Variants in LTBP4 observed in about 807,000 individuals in gnomAD.
LTBP4 encodes the protein latent transforming growth factor beta binding protein 4.
A neutral mutation model predicts 180.2 loss-of-function variants in LTBP4; 93 were observed. The observed-to-expected ratio is 0.52, with a 90% CI of 0.44 to 0.61. The LOEUF is 0.61. Ranked by LOEUF, LTBP4 falls within the 20% of genes least tolerant of loss-of-function variation. LTBP4 has a pLI of 0.00. For synonymous variants in LTBP4, 947 were observed against 934.5 expected (o/e 1.01, Z -0.24); for missense variants, 2,116 against 2,256.5 (o/e 0.94, Z 1.26).
In LTBP4 at chr19:40,627,335, C is replaced by A; in HGVS notation, c.4346C>A (p.Pro1449His). The change falls in exon 28 of 30, where the codon CCT becomes CAT. Residue 1449 changes from proline to histidine, a missense_variant. Pro to His is a moderately conservative substitution (Grantham distance 77). This residue lies in a region of LTBP4 where 488 missense variants were observed against 458.8 expected (regional missense o/e 1.06). Transcript: ENST00000396819. ...RRSFPEPEEP[P>H]EGGSYAGSLA... ...TCCTTCCCAGAGCCCGAGGAGCCTCCTGAAGGTGGAAGCTATGCTGGTGAG... is the reference window on the plus strand; with the variant it reads ...TCCTTCCCAGAGCCCGAGGAGCCTCATGAAGGTGGAAGCTATGCTGGTGAG... The A allele has an allele frequency of 6.6e-7, 1 of 1,515,854 alleles. No homozygotes were observed. The highest frequency in any genetic ancestry group is 8.8e-7 in the Non-Finnish European group (1 of 1,133,956). The allele number at this position is 1,515,854 out of a possible 1,614,324, so 93.9% of individuals were successfully genotyped here.
chr19:40,628,582 G>A (rs1222409494), intron 29 of LTBP4, among the ~76,000 whole-genome samples: 2 of 152,154 alleles, frequency 1.3e-5, no homozygotes, highest in Non-Finnish European at 2.9e-5. Flanking sequence ...GCTGTGTGAC[G>A]CTGGACAGGT....
rs2081493250 is a variant in LTBP4 at position 40,609,989 on chromosome 19, C to G, written c.1684+118C>G. 7.3e-7 allele frequency: 1 copy of G among 1,361,308 alleles called. No individual in the cohort carries two copies. Among genetic ancestry groups the G allele is most frequent in the Admixed American group, 2.9e-5 (1 of 34,656 alleles). The allele number at this position is 1,361,308 out of a possible 1,614,324, so 84.3% of individuals were successfully genotyped here. A position where few individuals can be genotyped will look rare whatever the true frequency, so the allele number is the denominator to read the frequency against. On this transcript the variant is annotated intron_variant, in intron 11 of 29. Coordinates refer to ENST00000396819, the MANE Select transcript of LTBP4 (RefSeq NM_001042545.2). This position sits in a 1 kb window ranked among gnomAD's most constrained non-coding sequence, Gnocchi z 4.9. ...TCTCGGGTCCCGCCCCAGGACTGCT[C>G]TGCCCTGGCCCTTGGCCCTGCCCTT...
chr19:40,629,570 G>A lies in LTBP4; in HGVS notation c.*20G>A, dbSNP rs1051481. The A allele has an allele frequency of 0.18, 245,481 of 1,356,684 alleles. 22,800 individuals are homozygous for A. The highest frequency in any genetic ancestry group is 0.27 in the South Asian group (16,190 of 58,920). The allele number at this position is 1,356,684 out of a possible 1,614,324, so 84.0% of individuals were successfully genotyped here. ...GCCTGAGCCCTGGCACCCGCTGGCC[G>A]CCCACCCGCGCCCGCCACTCGGGGC... On this transcript the variant is annotated 3_prime_UTR_variant, in exon 30 of 30. Coordinates refer to ENST00000396819, the MANE Select transcript of LTBP4 (RefSeq NM_001042545.2). This position sits in a 1 kb window ranked among gnomAD's most constrained non-coding sequence, Gnocchi z 4.5.
intron 12 of LTBP4, 199 bp from the exon 13 acceptor site, chr19:40,610,953 C>A: frequency 1.3e-6 from 1 of 773,134 alleles, no homozygotes; most frequent in Non-Finnish European, 2.0e-6. Context: ...AGAAGGAGGC[C>A]TTCTCATGGG....
intron 22 of LTBP4, among the ~76,000 whole-genome samples, chr19:40,621,068 A>G (rs1220471952): frequency 1.3e-5 from 2 of 151,912 alleles, no homozygotes; most frequent in African/African-American, 4.8e-5. Flanking sequence ...CAGCCTCCTG[A>G]GTAGCTGGGA....
In LTBP4 at chr19:40,610,193, T is replaced by C. The variant is rs531047450; in HGVS notation, c.1684+322T>C. 6.8e-5 allele frequency: 32 copies of C among 467,370 alleles called. No individual in the cohort carries two copies. In the South Asian group the frequency reaches 1.1e-3, roughly 16 times the overall value. 29.0% of individuals were successfully genotyped at this position (467,370 alleles called of 1,614,324 possible). ...AACTCCCTCCCCCAGGCCCCGCCACTGTCCTGCAACTGCGGCAACCAATCT... is the reference window on the plus strand; with the variant it reads ...AACTCCCTCCCCCAGGCCCCGCCACCGTCCTGCAACTGCGGCAACCAATCT... On this transcript the variant is annotated intron_variant, in intron 11 of 29. Transcript: ENST00000396819.
At chr19:40,612,487 C>T (rs914346126) in intron 15 of LTBP4, among the ~76,000 whole-genome samples, 2 of 152,170 alleles carry the variant, frequency 1.3e-5, no homozygotes, top group African/African-American at 4.8e-5. Flanking sequence ...TGACCTATAA[C>T]TCCTGAATTT....
chr19:40,624,825 T>C (rs567408955), intron 26 of LTBP4, among the ~76,000 whole-genome samples: 1 of 152,240 alleles, frequency 6.6e-6, no homozygotes, highest in Non-Finnish European at 1.5e-5. Flanking sequence ...CTCTGTCTCT[T>C]TCCAGCTGTT....
In LTBP4 at chr19:40,622,067, G is replaced by C. The variant is rs1026894343; in HGVS notation, c.3218-334G>C. 3.3e-5 allele frequency among the ~76,000 whole-genome samples: 5 copies of C among 152,154 alleles called. No individual in the cohort carries two copies. The highest frequency in any genetic ancestry group is 3.3e-4 in the Admixed American group (5 of 15,270). On this transcript the variant is annotated intron_variant, in intron 22 of 29. Transcript: ENST00000396819. This position sits in a 1 kb window ranked among gnomAD's most constrained non-coding sequence, Gnocchi z 5.1. ...CCTGGCGACAAATTGTAGGTTTTGA[G>C]ATGAAGACTCAGCCAGTTTGCCACA...
intron 19 of LTBP4, chr19:40,615,204 G>T (rs1028233666): frequency 1.4e-5 from 2 of 147,554 alleles, no homozygotes; most frequent in Non-Finnish European, 3.0e-5. Flanking sequence ...GGGGGGGGGG[G>T]GGCGGTGATG....
intron 6 of LTBP4, 127 bp downstream of exon 6, chr19:40,606,653 G>C (rs1390066170): frequency 3.3e-6 from 4 of 1,201,654 alleles, no homozygotes; most frequent in Non-Finnish European, 4.6e-6. Flanking sequence ...CAGCCTTAGA[G>C]CCCCCTCAGA....
chr19:40,601,664 G>A, intron 1 of LTBP4, 27 bp downstream of exon 1: 1 of 1,330,116 alleles, frequency 7.5e-7, no homozygotes, highest in Non-Finnish European at 9.6e-7. Context: ...GGTCCCGAGA[G>A]AGCGGCTCCG....
chr19:40,623,434 T>C (rs1465580114), intron 24 of LTBP4, among the ~76,000 whole-genome samples, 170 bp from the exon 25 acceptor site: 1 of 152,064 alleles, frequency 6.6e-6, no homozygotes, highest in Non-Finnish European at 1.5e-5. Flanking sequence ...CTTAGCCTCC[T>C]GAAGTGCTGG....
chr19:40,614,239 C>T (rs2081530598), intron 18 of LTBP4, 76 bp from the exon 19 acceptor site: 1 of 1,513,836 alleles, frequency 6.6e-7, no homozygotes, highest in Non-Finnish European at 9.0e-7. Flanking sequence ...CCCCTTCTGA[C>T]TCTCCTCTCC....
At chr19:40,625,026 G>T (rs1400434881) in intron 26 of LTBP4, among the ~76,000 whole-genome samples, 2 of 149,802 alleles carry the variant, frequency 1.3e-5, no homozygotes, top group Non-Finnish European at 3.0e-5. Context: ...CTATCTCTAG[G>T]CCCCTAACAA....
At chr19:40,626,302 A>G (rs1348735865) in intron 27 of LTBP4, among the ~76,000 whole-genome samples, 10 of 152,020 alleles carry the variant, frequency 6.6e-5, no homozygotes, top group Admixed American at 6.6e-4. Context: ...TAGAACCACC[A>G]GACACAGCCT....
chr19:40,594,859 A>G (rs55754501), intron 1 of LTBP4, among the ~76,000 whole-genome samples: 3,435 of 151,242 alleles, frequency 0.023, 129 homozygotes, highest in African/African-American at 0.077. Flanking sequence ...TGTGTCTCAC[A>G]GTGAGCGGGG....
At chr19:40,619,770 G>A (rs2081573419) in intron 22 of LTBP4, among the ~76,000 whole-genome samples, 1 of 152,174 alleles carries the variant, frequency 6.6e-6, no homozygotes, top group Non-Finnish European at 1.5e-5. Flanking sequence ...TGACCAGAAG[G>A]GATCACTGTC....
chr19:40,619,280 C>T (rs940667532), intron 21 of LTBP4, 67 bp from the exon 22 acceptor site: 42 of 1,517,708 alleles, frequency 2.8e-5, no homozygotes, highest in African/African-American at 1.9e-4. Context: ...CTGAGACTTT[C>T]GGACCTTTGG....
Sources: allele counts gnomAD v4.1 joint callset (sites outside exome capture counted in the v4.1 genomes callset), GRCh38; gene constraint gnomAD v4.1.1; regional missense constraint gnomAD v4.1.1; non-coding constraint Gnocchi (gnomAD v3.1); transcripts MANE v1.5; gene names NCBI Gene and HGNC (gene_info 2026-07-23, HGNC 2026-07-21).